The following HPSE2 variants were observed in gnomAD, a reference collection of about 807,000 sequenced individuals.
HPSE2 encodes the protein heparanase 2 (inactive).
Under a neutral mutation model 60.5 loss-of-function variants are expected in HPSE2, and 38 were observed. The observed-to-expected ratio is 0.63, with a 90% CI of 0.48 to 0.82. The LOEUF (loss-of-function observed/expected upper bound fraction) is 0.82. HPSE2 is among the 40% of genes least tolerant of loss of function. The probability of loss-of-function intolerance (pLI) is 0.00; values close to 1 mark genes in which losing one functional copy is unlikely to be tolerated. For missense variants in HPSE2, 713 were observed against 740.4 expected, an observed-to-expected ratio of 0.96 and a Z score of 0.43; for synonymous variants, 295 against 293.2, an observed-to-expected ratio of 1.01 and a Z score of -0.06.
chr10:99,107,803 G>A (rs1349942156), intron 3 of HPSE2, among the ~76,000 whole-genome samples: 1 of 152,002 alleles, frequency 6.6e-6, no homozygotes, highest in African/African-American at 2.4e-5. Context: ...TACCTCCCAG[G>A]TACACGCTCA....
intron 10 of HPSE2, among the ~76,000 whole-genome samples, chr10:98,484,387 G>A (rs968685504): frequency 6.6e-6 from 1 of 152,108 alleles, no homozygotes. Context: ...ACAGGCGTGC[G>A]CCACCACGCC....
intron 3 of HPSE2, among the ~76,000 whole-genome samples, chr10:98,749,770 T>C (rs914029720): frequency 2.7e-5 from 4 of 150,906 alleles, no homozygotes; most frequent in Non-Finnish European, 5.9e-5. Context: ...GCATTTAAGG[T>C]AGGCCCGGCT....
intron 3 of HPSE2, among the ~76,000 whole-genome samples, chr10:99,065,924 T>C (rs1842599546): frequency 6.6e-6 from 1 of 151,652 alleles, no homozygotes. Flanking sequence ...TTCACCTCTC[T>C]TCAGCTTTAA....
At position 98,937,969 on chromosome 10, in the gene HPSE2, A is replaced by G. The variant is rs1291165675; in HGVS notation, c.611-193913T>C. Among the ~76,000 whole-genome samples the G allele has an allele frequency of 2.8e-5, 4 of 143,904 alleles. 1 individual carries two copies. The highest frequency in any genetic ancestry group is 3.9e-4 in the East Asian group (2 of 5,068). 94.4% of individuals were successfully genotyped at this position (143,904 alleles called of 152,430 possible). Reference sequence around the variant, plus strand: ...TCTGCAGACACCTCTGCTGATACCCAGGCAAACAGGGTCTGGAGTGGACCT... The same window carrying G: ...TCTGCAGACACCTCTGCTGATACCCGGGCAAACAGGGTCTGGAGTGGACCT... On this transcript the variant is annotated intron_variant, in intron 3 of 11. Transcript: ENST00000370552.
chr10:99,070,190 A>G (rs1020776244), intron 3 of HPSE2, among the ~76,000 whole-genome samples: 6 of 152,218 alleles, frequency 3.9e-5, no homozygotes, highest in Admixed American at 1.3e-4. Context: ...GACAAGCCAC[A>G]CTAGGAGAAA....
Position 98,959,386 on chromosome 10 carries a change from T to C in HPSE2, c.610+184852A>G, listed in dbSNP as rs560399408. On this transcript the variant is annotated intron_variant, in intron 3 of 11. Coordinates refer to ENST00000370552, the MANE Select transcript of HPSE2 (RefSeq NM_021828.5). ...AAAAAAAAAAAAAAAAAAAGGCCAG[T>C]GGATAGGAGGCCCAGTGGCTGCTGA... is the stretch of plus-strand genomic sequence containing the variant. 1.1e-4 allele frequency among the ~76,000 whole-genome samples: 15 copies of C among 141,850 alleles called. No individual in the cohort carries two copies. The South Asian group carries it at 3.3e-3, about 31-fold the overall frequency. The allele number at this position is 141,850 out of a possible 152,430, so 93.1% of individuals were successfully genotyped here.
At chr10:99,010,233 T>C (rs1956981366) in intron 3 of HPSE2, among the ~76,000 whole-genome samples, 1 of 152,258 alleles carries the variant, frequency 6.6e-6, no homozygotes, top group African/African-American at 2.4e-5. Context: ...GTGTTTATTT[T>C]CTATTTTTTT....
intron 9 of HPSE2, among the ~76,000 whole-genome samples, chr10:98,492,329 G>A (rs573398995): frequency 1.3e-5 from 2 of 151,790 alleles, no homozygotes; most frequent in Non-Finnish European, 2.9e-5. Flanking sequence ...GGTGAAACCC[G>A]GTCTCTACTA....
chr10:98,490,142 C>G lies in HPSE2; in HGVS notation c.1375G>C (p.Val459Leu). 1 of 1,614,206 alleles carries G rather than the reference C, an allele frequency of 6.2e-7. No homozygotes were observed. Among genetic ancestry groups the G allele is most frequent in the Non-Finnish European group, 8.5e-7 (1 of 1,180,040 alleles). Residue 459 changes from valine (V) to leucine (L), a missense_variant, in exon 10 of 12, where the codon GTG (valine) becomes CTG (leucine). Coordinates refer to ENST00000370552, the MANE Select transcript of HPSE2 (RefSeq NM_021828.5). ...KRLIGPKVLA[V>L]HVAGLQRKPR... ...TTCCGCTGGAGCCCAGCCACATGCACAGCCAAGACTTTGGGGCCGATCAGG... is the reference window on the plus strand; with the variant it reads ...TTCCGCTGGAGCCCAGCCACATGCAGAGCCAAGACTTTGGGGCCGATCAGG...
intron 7 of HPSE2, among the ~76,000 whole-genome samples, chr10:98,641,441 G>T (rs1946634212): frequency 6.6e-6 from 1 of 151,904 alleles, no homozygotes; most frequent in East Asian, 1.9e-4. Context: ...ATAAAAATTG[G>T]CTGGGCATGG....
intron 11 of HPSE2, among the ~76,000 whole-genome samples, chr10:98,464,157 A>G (rs746221279): frequency 2.0e-5 from 3 of 152,168 alleles, no homozygotes; most frequent in Non-Finnish European, 2.9e-5. Context: ...TTCAAAAGTA[A>G]ATGCTAGTCA....
chr10:99,048,020 G>A (rs989065949), intron 3 of HPSE2: 10 of 688,946 alleles, frequency 1.5e-5, no homozygotes, highest in Admixed American at 6.2e-5. Flanking sequence ...GCTCAACAAG[G>A]CTGCAATTAA....
At chr10:98,990,367 CAT>C (rs1194635349) in intron 3 of HPSE2, among the ~76,000 whole-genome samples, 1 of 152,248 alleles carries the variant, frequency 6.6e-6, no homozygotes, top group Non-Finnish European at 1.5e-5. Flanking sequence ...AGATCCCTCA[CAT>C]GAGCAGTTCA....
chr10:99,185,281 G>C (rs1390258192), intron 2 of HPSE2, among the ~76,000 whole-genome samples: 1 of 151,904 alleles, frequency 6.6e-6, no homozygotes, highest in Non-Finnish European at 1.5e-5. Context: ...TCCAGCCTGG[G>C]TGACAGAGCA....
intron 9 of HPSE2, among the ~76,000 whole-genome samples, chr10:98,493,300 T>G (rs1176418438): frequency 6.6e-6 from 1 of 152,228 alleles, no homozygotes; most frequent in Non-Finnish European, 1.5e-5. Context: ...AAGTGTTTGG[T>G]GTGTCTGTTA....
chr10:98,808,441 T>C (rs990643370), intron 3 of HPSE2, among the ~76,000 whole-genome samples: 1 of 152,170 alleles, frequency 6.6e-6, no homozygotes, highest in African/African-American at 2.4e-5. Flanking sequence ...ATGCAATAGC[T>C]CATGGAGTCA....
At chr10:99,297,888 T>A in the HPSE2 span, among the ~76,000 whole-genome samples, 4 of 152,190 alleles carry the variant, frequency 2.6e-5, no homozygotes, top group African/African-American at 9.7e-5. Context: ...TATAGTATTG[T>A]GGGTTATAGC....
intron 2 of HPSE2, among the ~76,000 whole-genome samples, chr10:99,219,809 G>C (rs1225138464): frequency 6.6e-6 from 1 of 152,180 alleles, no homozygotes. Context: ...CAACTGGCTA[G>C]GGAGCTATTC....
chr10:99,156,551 C>G (rs1311655916), intron 2 of HPSE2, among the ~76,000 whole-genome samples: 1 of 130,614 alleles, frequency 7.7e-6, no homozygotes, highest in Admixed American at 8.1e-5. Context: ...AATTCAACAA[C>G]CCTTCATGCT....
Sources: allele counts gnomAD v4.1 joint callset (sites outside exome capture counted in the v4.1 genomes callset), GRCh38; gene constraint gnomAD v4.1.1; transcripts MANE v1.5; gene names NCBI Gene and HGNC (gene_info 2026-07-23, HGNC 2026-07-21).